The following MAST2 variants were observed in gnomAD, a reference collection of about 807,000 sequenced individuals.
The protein encoded by MAST2 is microtubule-associated serine/threonine-protein kinase 2.
Under a neutral mutation model 147.4 loss-of-function variants are expected in MAST2, and 70 were observed. That is an observed-to-expected ratio of 0.47 (90% CI 0.39 to 0.58). The LOEUF (loss-of-function observed/expected upper bound fraction) is 0.58. Among genes scored for constraint, MAST2 ranks in the 20% least tolerant of loss-of-function variants. The pLI, the probability that MAST2 is intolerant of heterozygous loss-of-function variation, is 0.00. For missense variants in MAST2, 2,080 were observed against 2,302.3 expected (o/e 0.90, Z 1.98); for synonymous variants, 869 against 896.8 (o/e 0.97, Z 0.55).
At chr1:45,947,187 T>C (rs1570873048) in intron 4 of MAST2, among the ~76,000 whole-genome samples, 1 of 152,072 alleles carries the variant, frequency 6.6e-6, no homozygotes, top group African/African-American at 2.4e-5. Context: ...AGATACTACA[T>C]GTAATGCTTT....
intron 16 of MAST2, among the ~76,000 whole-genome samples, chr1:46,026,262 A>G (rs1321905675): frequency 1.3e-5 from 2 of 152,200 alleles, no homozygotes; most frequent in African/African-American, 4.8e-5. Flanking sequence ...GTCAAGTGGA[A>G]AAAGGAAGAC....
intron 19 of MAST2, 47 bp downstream of exon 19, chr1:46,029,614 A>G (rs1162458238): frequency 6.4e-7 from 1 of 1,562,116 alleles, no homozygotes; most frequent in Admixed American, 1.7e-5. Flanking sequence ...AAAAGGGGTA[A>G]GGGAGGCTGA....
chr1:45,925,502 CTT>C (rs1654221109), intron 4 of MAST2, among the ~76,000 whole-genome samples: 2 of 152,222 alleles, frequency 1.3e-5, no homozygotes, highest in African/African-American at 4.8e-5. Flanking sequence ...GCTAGATTGA[CTT>C]TGTGTTGTAA....
chr1:45,834,593 T>C (rs145559861), intron 3 of MAST2, among the ~76,000 whole-genome samples: 132 of 152,304 alleles, frequency 8.7e-4, no homozygotes, highest in African/African-American at 3.1e-3. Context: ...AGCGTCTTGT[T>C]CAAGATTAGT....
chr1:45,938,160 T>G (rs549695802), intron 4 of MAST2, among the ~76,000 whole-genome samples: 3 of 152,372 alleles, frequency 2.0e-5, no homozygotes, highest in African/African-American at 7.2e-5. Context: ...GGATAGACCA[T>G]ATTTTGTTAG....
chr1:45,808,889 TAG>T (rs932455108), intron 1 of MAST2, among the ~76,000 whole-genome samples: 1 of 152,154 alleles, frequency 6.6e-6, no homozygotes, highest in African/African-American at 2.4e-5. Flanking sequence ...ACTTGATACT[TAG>T]CACTTTTTGT....
intron 4 of MAST2, among the ~76,000 whole-genome samples, chr1:45,933,385 C>T (rs1053181962): frequency 1.3e-5 from 2 of 152,048 alleles, no homozygotes; most frequent in Non-Finnish European, 2.9e-5. Context: ...CTGATACCTC[C>T]ACTTCTAATT....
chr1:46,011,389 G>A (rs1309294342), intron 10 of MAST2, among the ~76,000 whole-genome samples: 1 of 152,216 alleles, frequency 6.6e-6, no homozygotes, highest in African/African-American at 2.4e-5. Context: ...CATTTGCATG[G>A]TGAGAAGTTC....
chr1:45,816,769 C>T (rs1001384956), intron 1 of MAST2, among the ~76,000 whole-genome samples: 2 of 152,142 alleles, frequency 1.3e-5, no homozygotes, highest in Non-Finnish European at 2.9e-5. Flanking sequence ...CCTCTGCCTC[C>T]CAGGTTCAAG....
intron 7 of MAST2, 151 bp downstream of exon 7, chr1:46,003,034 TGGG>T (rs1283691715): frequency 1.4e-5 from 11 of 762,258 alleles, no homozygotes; most frequent in Admixed American, 1.3e-4. Context: ...AACAGAGGGC[TGGG>T]GTCCCTTCCC....
chr1:45,987,734 C>T (rs1364380621), intron 5 of MAST2, among the ~76,000 whole-genome samples: 4 of 73,312 alleles, frequency 5.5e-5, no homozygotes, highest in East Asian at 7.1e-4. Context: ...TTTTAAATTT[C>T]TTAAGGTAGA....
intron 5 of MAST2, among the ~76,000 whole-genome samples, chr1:45,970,424 G>A (rs1463549759): frequency 6.6e-6 from 1 of 152,084 alleles, no homozygotes; most frequent in East Asian, 1.9e-4. Flanking sequence ...CAGCACTTTG[G>A]GAGGCCAAGG....
chr1:45,880,936 C>T (rs1315360212), intron 3 of MAST2, among the ~76,000 whole-genome samples: 3 of 142,206 alleles, frequency 2.1e-5, no homozygotes, highest in African/African-American at 7.9e-5. Context: ...CGAGATCGGC[C>T]AGCCTGGGTG....
chr1:45,950,105 G>A (rs555557275), intron 4 of MAST2, among the ~76,000 whole-genome samples: 2 of 152,094 alleles, frequency 1.3e-5, no homozygotes, highest in Non-Finnish European at 2.9e-5. Flanking sequence ...AGCAGGAAAA[G>A]TAACTATTGG....
chr1:45,987,784 T>TGA (rs1644703624), intron 5 of MAST2, among the ~76,000 whole-genome samples: 3 of 140,572 alleles, frequency 2.1e-5, no homozygotes, highest in Admixed American at 7.1e-5. Context: ...TTGATTTTTT[T>TGA]TTTTTTTTTT....
intron 5 of MAST2, 92 bp downstream of exon 5, chr1:45,959,569 A>G (rs1660114298): frequency 1.9e-6 from 2 of 1,035,836 alleles, no homozygotes; most frequent in Non-Finnish European, 2.9e-6. Flanking sequence ...AGTTCCGTAT[A>G]TTACATTGTC....
chr1:45,832,780 A>T (rs1644998307), intron 3 of MAST2, among the ~76,000 whole-genome samples: 1 of 151,876 alleles, frequency 6.6e-6, no homozygotes, highest in Admixed American at 6.5e-5. Flanking sequence ...TTAAATTAAC[A>T]GTTTATTGAG....
intron 5 of MAST2, among the ~76,000 whole-genome samples, chr1:45,977,436 C>T (rs1211944051): frequency 2.0e-5 from 3 of 151,512 alleles, no homozygotes; most frequent in Non-Finnish European, 2.9e-5. Flanking sequence ...TGCAATGAGC[C>T]GAGGTGGCGC....
At chr1:45,879,262 T>A (rs1646737801) in intron 3 of MAST2, among the ~76,000 whole-genome samples, 1 of 152,082 alleles carries the variant, frequency 6.6e-6, no homozygotes, top group Non-Finnish European at 1.5e-5. Flanking sequence ...TACCTCAAAA[T>A]TAATTTTCAC....
Sources: gnomAD v4.1 joint callset for allele counts (sites outside exome capture counted in the v4.1 genomes callset) on GRCh38, gnomAD v4.1.1 for gene constraint, MANE v1.5 for transcripts, NCBI Gene and HGNC (gene_info 2026-07-23, HGNC 2026-07-21) for gene names.